The following IFT57 variants were observed in gnomAD, a reference collection of about 807,000 sequenced individuals.
IFT57 encodes intraflagellar transport 57.
In IFT57, 59 loss-of-function variants were observed where a neutral mutation model predicts 56.8. The ratio of observed to expected loss-of-function variants is 1.04; its 90% CI spans 0.84 to 1.29. The LOEUF (loss-of-function observed/expected upper bound fraction) is 1.29, where lower values mean the gene tolerates loss of function less well. IFT57 is among the 50% of genes most tolerant of loss of function. IFT57 has a pLI of 0.00. For synonymous variants in IFT57, 209 were observed against 186.1 expected (o/e 1.12, Z -1.00); for missense variants, 470 against 522.1 (o/e 0.90, Z 0.97).
At chr3:108,178,370 G>A (rs1455674162) in intron 6 of IFT57, among the ~76,000 whole-genome samples, 1 of 151,786 alleles carries the variant, frequency 6.6e-6, no homozygotes, top group Non-Finnish European at 1.5e-5. Flanking sequence ...TAATATTGGG[G>A]TAAGCAAAGA....
intron 6 of IFT57, among the ~76,000 whole-genome samples, chr3:108,185,483 G>A (rs1170047246): frequency 1.3e-5 from 2 of 150,296 alleles, no homozygotes; most frequent in Admixed American, 1.3e-4. Flanking sequence ...GCAGACTAAA[G>A]TGCCCTGTTA....
At chr3:108,167,746 C>A in intron 7 of IFT57, 47 bp downstream of exon 7, 1 of 1,301,674 alleles carries the variant, frequency 7.7e-7, no homozygotes, top group Non-Finnish European at 1.1e-6. Context: ...ACAGGTGTTC[C>A]ACAGATGAGT....
In IFT57 at chr3:108,207,911, C is replaced by T. The variant is rs1283458249; in HGVS notation, c.586-1215G>A. On this transcript the variant is annotated intron_variant, in intron 4 of 10. Coordinates refer to ENST00000264538, the MANE Select transcript of IFT57 (RefSeq NM_018010.4). ...ACAAAAAATTAGCCGGGCGTGGTGGCGGGCGCCTGTAGTCCCAGCTACACG... is the reference window on the plus strand; with the variant it reads ...ACAAAAAATTAGCCGGGCGTGGTGGTGGGCGCCTGTAGTCCCAGCTACACG... Among the ~76,000 whole-genome samples, 12 of 152,054 alleles carry T rather than the reference C, an allele frequency of 7.9e-5. 1 individual carries two copies. The highest frequency in any genetic ancestry group is 5.8e-4 in the East Asian group (3 of 5,188).
rs1050626098 is a variant in IFT57, at chr3:108,160,991, C to T, written c.*1486G>A. 1 of 152,084 alleles carries T rather than the reference C, an allele frequency of 6.6e-6. No homozygotes were observed. Among genetic ancestry groups the T allele is most frequent in the African/African-American group, 2.4e-5 (1 of 41,424 alleles). 9.4% of individuals were successfully genotyped at this position (152,084 alleles called of 1,614,324 possible). ...CATGTCTGCATAAATAATGGGTGTACTTTGCTTCTGATTGAAATGCATTTT... is the reference window on the plus strand; with the variant it reads ...CATGTCTGCATAAATAATGGGTGTATTTTGCTTCTGATTGAAATGCATTTT... On this transcript the variant is annotated 3_prime_UTR_variant, in exon 11 of 11. Transcript: ENST00000264538.
chr3:108,191,735 A>C (rs890689375), intron 5 of IFT57, 92 bp from the exon 6 acceptor site: 2 of 694,954 alleles, frequency 2.9e-6, no homozygotes, highest in African/African-American at 3.7e-5. Context: ...AATTTAAATC[A>C]AGAATTGGTA....
At position 108,221,934 on chromosome 3, in the gene IFT57, C is replaced by A. The variant is rs566114933; in HGVS notation, c.212+177G>T. 7.1e-6 allele frequency: 9 copies of A among 1,261,446 alleles called. No individual in the cohort carries two copies. The Admixed American group carries it at 1.7e-4, about 24-fold the overall frequency. The allele number at this position is 1,261,446 out of a possible 1,614,324, so 78.1% of individuals were successfully genotyped here. ...TCTCTACAAAAATACCAAGTCAGGG[C>A]TGCGTGAGCTCCACGGACCTCCCGG... On this transcript the variant is annotated intron_variant, in intron 1 of 10. Coordinates refer to ENST00000264538, the MANE Select transcript of IFT57 (RefSeq NM_018010.4).
At chr3:108,211,142 C>T (rs1166700309) in intron 4 of IFT57, among the ~76,000 whole-genome samples, 2 of 152,178 alleles carry the variant, frequency 1.3e-5, no homozygotes, top group Non-Finnish European at 2.9e-5. Context: ...ATGGTTTCTG[C>T]GCTTGCAGAT....
intron 6 of IFT57, among the ~76,000 whole-genome samples, chr3:108,184,453 G>T (rs1239551380): frequency 1.3e-5 from 2 of 151,758 alleles, no homozygotes; most frequent in African/African-American, 2.4e-5. Context: ...AAAAAGTTAG[G>T]TATGTTATAA....
rs150107937 is a variant in IFT57, at chr3:108,172,298, C to A, written c.778-4434G>T. On this transcript the variant is annotated intron_variant, in intron 6 of 10. Coordinates refer to ENST00000264538, the MANE Select transcript of IFT57 (RefSeq NM_018010.4). ...GACCAAGCAGCCAACAGCTGTCTAGCATGGAAAACACAAAGTTCTTGGGGA... is the reference window on the plus strand; with the variant it reads ...GACCAAGCAGCCAACAGCTGTCTAGAATGGAAAACACAAAGTTCTTGGGGA... Among the ~76,000 whole-genome samples, 139 of 151,814 alleles carry A rather than the reference C, an allele frequency of 9.2e-4. 2 individuals are homozygous for A. The East Asian group carries it at 0.02, about 22-fold the overall frequency.
chr3:108,206,645 C>A lies in IFT57; in HGVS notation c.637G>T (p.Ala213Ser). 1 of 1,391,764 alleles carries A rather than the reference C, an allele frequency of 7.2e-7. No homozygotes were observed. Among genetic ancestry groups the A allele is most frequent in the Middle Eastern group, 1.9e-4 (1 of 5,312 alleles). 86.2% of individuals were successfully genotyped at this position (1,391,764 alleles called of 1,614,324 possible). A position where few individuals can be genotyped will look rare whatever the true frequency, so the allele number is the denominator to read the frequency against. The change falls in exon 5 of 11, where the codon GCC (alanine) becomes TCC (serine). Residue 213 changes from alanine to serine, a missense_variant. Transcript: ENST00000264538. ...ENFIDLNVLK[A>S]QTYHLDMNET... Reference sequence around the variant, plus strand: ...AAACTTACCAAGTGATATGTCTGGGCCTTTAAAACGTTGAGATCAATAAAG... The same window carrying A: ...AAACTTACCAAGTGATATGTCTGGGACTTTAAAACGTTGAGATCAATAAAG...
rs1392679337 is a variant in IFT57, at chr3:108,191,516, G to A, written c.777+5C>T. 6.5e-7 allele frequency: 1 copy of A among 1,526,912 alleles called. No homozygotes were observed. The highest frequency in any genetic ancestry group is 2.4e-5 in the East Asian group (1 of 42,386). 94.6% of individuals were successfully genotyped at this position (1,526,912 alleles called of 1,614,324 possible). A position where few individuals can be genotyped will look rare whatever the true frequency, so the allele number is the denominator to read the frequency against. On this transcript the variant is annotated splice_donor_5th_base_variant and intron_variant, in intron 6 of 10. Transcript: ENST00000264538. ...TTTTAAGAAAATGTGTTCCCACTTT[G>A]ATACCTTATTGTCAGTCCTAATCGT...
At chr3:108,201,190 T>C (rs540464807) in intron 5 of IFT57, among the ~76,000 whole-genome samples, 50 of 152,356 alleles carry the variant, frequency 3.3e-4, no homozygotes, top group African/African-American at 1.0e-3. Context: ...TGCCATTGAA[T>C]CTACCTTGAA....
intron 4 of IFT57, among the ~76,000 whole-genome samples, chr3:108,211,337 T>A (rs2080341725): frequency 6.6e-6 from 1 of 152,210 alleles, no homozygotes; most frequent in African/African-American, 2.4e-5. Context: ...TAGGAATATA[T>A]GAGTACTTAA....
At chr3:108,163,891 G>A (rs747477509) in intron 9 of IFT57, among the ~76,000 whole-genome samples, 162 bp from the exon 10 acceptor site, 1 of 152,014 alleles carries the variant, frequency 6.6e-6, no homozygotes, top group Non-Finnish European at 1.5e-5. Context: ...AAAGTATGCA[G>A]ATATACAAAG....
intron 8 of IFT57, 97 bp from the exon 9 acceptor site, chr3:108,165,590 T>TA: frequency 2.3e-6 from 2 of 876,174 alleles, no homozygotes; most frequent in South Asian, 1.3e-5. Context: ...CAGGTCATTT[T>TA]ATGACAACCC....
chr3:108,191,472 C>A (rs756767696), intron 6 of IFT57, 49 bp downstream of exon 6: 2 of 1,365,992 alleles, frequency 1.5e-6, no homozygotes, highest in Non-Finnish European at 2.0e-6. Context: ...CCTGAAGTTT[C>A]CTTATAACTT....
At chr3:108,221,937 C>CG (rs1266876273) in intron 1 of IFT57, 174 bp downstream of exon 1, 3 of 1,291,140 alleles carry the variant, frequency 2.3e-6, no homozygotes, top group Non-Finnish European at 3.1e-6. Context: ...GTCAGGGCTG[C>CG]GTGAGCTCCA....
At chr3:108,190,576 G>A (rs879290439) in intron 6 of IFT57, among the ~76,000 whole-genome samples, 17 of 152,166 alleles carry the variant, frequency 1.1e-4, no homozygotes, top group Non-Finnish European at 2.1e-4. Context: ...AGTTTCCTAA[G>A]GCCTCCCCAG....
Position 108,197,578 on chromosome 3 carries a change from C to A in IFT57, c.655-5935G>T, listed in dbSNP as rs961204093. 3.9e-5 allele frequency among the ~76,000 whole-genome samples: 6 copies of A among 152,282 alleles called. No homozygotes were observed. The East Asian group carries it at 9.6e-4, about 24-fold the overall frequency. On this transcript the variant is annotated intron_variant, in intron 5 of 10. Coordinates refer to ENST00000264538, the MANE Select transcript of IFT57 (RefSeq NM_018010.4). ...TCAAGCATCAAAGAAAGGCTATGTT[C>A]TGTAAAAATATACATGAGATGGCAA... is the stretch of plus-strand genomic sequence containing the variant.
Sources: allele counts gnomAD v4.1 joint callset (sites outside exome capture counted in the v4.1 genomes callset), GRCh38; gene constraint gnomAD v4.1.1; transcripts MANE v1.5; gene names NCBI Gene and HGNC (gene_info 2026-07-23, HGNC 2026-07-21).